The following NLGN2 variants were observed in gnomAD, a reference collection of about 807,000 sequenced individuals.
NLGN2 encodes neuroligin 2.
In NLGN2, 11 loss-of-function variants were observed where a neutral mutation model predicts 48.6. That is an observed-to-expected ratio of 0.23 (90% confidence interval 0.14 to 0.37). The LOEUF (loss-of-function observed/expected upper bound fraction) is 0.37. Among genes scored for constraint, NLGN2 ranks in the 10% least tolerant of loss-of-function variants. The pLI is 1.00. For missense variants in NLGN2, 801 were observed against 1,225.2 expected (o/e 0.65, Z 5.17); for synonymous variants, 548 against 550.0 (o/e 1.00, Z 0.05).
Position 7,414,452 on chromosome 17 carries a change from A to G in NLGN2, c.617A>G (p.Asn206Ser). The G allele has an allele frequency of 1.9e-6, 3 of 1,614,138 alleles. No individual in the cohort carries two copies. The highest frequency in any genetic ancestry group is 2.5e-6 in the Non-Finnish European group (3 of 1,180,014). Residue 206 changes from asparagine (N) to serine (S), a missense_variant, in exon 3 of 7, where the codon AAC (asparagine) becomes AGC (serine). By Grantham distance (46) the Asn-to-Ser change is conservative. Transcript: ENST00000302926. ...FDGSVLAAYGNVIVATLNYRL... is the reference protein window; with the variant it reads ...FDGSVLAAYGSVIVATLNYRL... ...GGCTCAGTCCTGGCTGCCTATGGCA[A>G]CGTCATTGTAGCCACGCTCAACTAC...
At chr17:7,410,701 C>T (rs1340167140) in intron 1 of NLGN2, among the ~76,000 whole-genome samples, 6 of 152,250 alleles carry the variant, frequency 3.9e-5, no homozygotes, top group African/African-American at 1.4e-4. Flanking sequence ...CACCCTTGCC[C>T]ACACCTTCTG....
At chr17:7,410,868 G>T (rs1906856411) in intron 1 of NLGN2, among the ~76,000 whole-genome samples, 2 of 152,224 alleles carry the variant, frequency 1.3e-5, no homozygotes, top group Non-Finnish European at 2.9e-5. Flanking sequence ...CACGTGCCTT[G>T]CTCACTTTGT....
upstream of NLGN2, among the ~76,000 whole-genome samples, chr17:7,405,854 C>T (rs1313083258): frequency 1.3e-5 from 2 of 152,164 alleles, no homozygotes; most frequent in African/African-American, 4.8e-5. This position sits in a 1 kb window ranked among gnomAD's most constrained non-coding sequence, Gnocchi z 6.8. Context: ...CCCCCTCCTT[C>T]TCCCCTTCCC....
rs375706169 is a variant in NLGN2, at chr17:7,413,183, C to A, written c.508+976C>A. On this transcript the variant is annotated intron_variant, in intron 2 of 6. Coordinates refer to ENST00000302926, the MANE Select transcript of NLGN2 (RefSeq NM_020795.4). This position sits in a 1 kb window ranked among gnomAD's most constrained non-coding sequence, Gnocchi z 4.9. Reference sequence around the variant, plus strand: ...GGTGCTGCCCACATAGAAGCTCTGGCGGAAGCAGTCAGGAGCATGGGGGCT... The same window carrying A: ...GGTGCTGCCCACATAGAAGCTCTGGAGGAAGCAGTCAGGAGCATGGGGGCT... 2.6e-5 allele frequency among the ~76,000 whole-genome samples: 4 copies of A among 152,200 alleles called. No individual in the cohort carries two copies. Among genetic ancestry groups the A allele is most frequent in the Admixed American group, 2.6e-4 (4 of 15,288 alleles).
At chr17:7,406,272 G>A (rs952953232), upstream of NLGN2, among the ~76,000 whole-genome samples, 4 of 152,024 alleles carry the variant, frequency 2.6e-5, no homozygotes, top group African/African-American at 9.7e-5. Flanking sequence ...GAGATGGGGG[G>A]GCCTCCAGTG....
chr17:7,413,933 C>T lies in NLGN2; in HGVS notation c.509-411C>T, dbSNP rs1189139343. On this transcript the variant is annotated intron_variant, in intron 2 of 6. Coordinates refer to ENST00000302926, the MANE Select transcript of NLGN2 (RefSeq NM_020795.4). The surrounding 1 kb of genome is among the most constrained non-coding windows in gnomAD (Gnocchi z 4.9). ...GGCCCAAGGCCTGAGTCGGAGGAGA[C>T]ACCAGGACCCTCCCAGCAGCTCCAG... is the stretch of plus-strand genomic sequence containing the variant. Among the ~76,000 whole-genome samples, 1 of 152,130 alleles carries T rather than the reference C, an allele frequency of 6.6e-6. No individual in the cohort carries two copies. The highest frequency in any genetic ancestry group is 1.9e-4 in the East Asian group (1 of 5,182).
upstream of NLGN2, among the ~76,000 whole-genome samples, chr17:7,406,403 T>G (rs1906640202): frequency 6.6e-6 from 1 of 151,458 alleles, no homozygotes; most frequent in Admixed American, 6.6e-5. Flanking sequence ...AAGGCCATGG[T>G]AGCTGAGCCC....
upstream of NLGN2, among the ~76,000 whole-genome samples, chr17:7,406,645 T>TG (rs1331732543): frequency 0.26 from 2,036 of 7,936 alleles, 41 homozygotes; most frequent in Admixed American, 0.3. Flanking sequence ...TGGCGGCTGG[T>TG]GGGGGGGCGG....
Position 7,417,774 on chromosome 17 carries a change from A to AC in NLGN2, c.2488dup (p.His830ProfsTer168). 8.2e-7 allele frequency: 1 copy of AC among 1,223,940 alleles called. No individual in the cohort carries two copies. The allele number at this position is 1,223,940 out of a possible 1,614,324, so 75.8% of individuals were successfully genotyped here. Reference sequence around the variant, plus strand: ...ACCAGCCACAACAACACGCTACCCCACCCCCACTCCACCACTCGGGTATAG... The same window carrying AC: ...ACCAGCCACAACAACACGCTACCCCACCCCCCACTCCACCACTCGGGTATAG... On this transcript the variant is annotated frameshift_variant, in exon 7 of 7. Transcript: ENST00000302926. LOFTEE classifies it high-confidence loss of function.
At chr17:7,412,035 G>C in intron 1 of NLGN2, 122 bp from the exon 2 acceptor site, 1 of 490,886 alleles carries the variant, frequency 2.0e-6, no homozygotes, top group Non-Finnish European at 3.6e-6. Context: ...TCTTTTTTCT[G>C]CCTCCCCCAC....
rs1906910247 is a variant in NLGN2, at chr17:7,411,881, A to G, written c.458-276A>G. On this transcript the variant is annotated intron_variant, in intron 1 of 6. Coordinates refer to ENST00000302926, the MANE Select transcript of NLGN2 (RefSeq NM_020795.4). This position sits in a 1 kb window ranked among gnomAD's most constrained non-coding sequence, Gnocchi z 4.5. Reference sequence around the variant, plus strand: ...TATGTCTTAAGACAGGCCTCAGCCCACTCAGGCACCCCACCCCCCCAAAAC... The same window carrying G: ...TATGTCTTAAGACAGGCCTCAGCCCGCTCAGGCACCCCACCCCCCCAAAAC... Among the ~76,000 whole-genome samples, 1 of 150,286 alleles carries G rather than the reference A, an allele frequency of 6.7e-6. No individual in the cohort carries two copies. The highest frequency in any genetic ancestry group is 1.5e-5 in the Non-Finnish European group (1 of 67,664).
At chr17:7,414,898 C>A (rs1907036429) in intron 4 of NLGN2, 50 bp downstream of exon 4, 1 of 1,613,436 alleles carries the variant, frequency 6.2e-7, no homozygotes, top group Non-Finnish European at 8.5e-7. Flanking sequence ...CTGCCAACTC[C>A]CCCCTCTCCT....
chr17:7,411,377 G>A lies in NLGN2; in HGVS notation c.458-780G>A, dbSNP rs912012912. On this transcript the variant is annotated intron_variant, in intron 1 of 6. Coordinates refer to ENST00000302926, the MANE Select transcript of NLGN2 (RefSeq NM_020795.4). The surrounding 1 kb of genome is among the most constrained non-coding windows in gnomAD (Gnocchi z 4.5). Reference sequence around the variant, plus strand: ...TGCGGAGGGTTGAGCTGGAGCGGAGGGCAAGACCTGATGACCCCCTTCCCT... The same window carrying A: ...TGCGGAGGGTTGAGCTGGAGCGGAGAGCAAGACCTGATGACCCCCTTCCCT... Among the ~76,000 whole-genome samples the A allele has an allele frequency of 3.9e-5, 6 of 152,168 alleles. No homozygotes were observed. The highest frequency in any genetic ancestry group is 1.4e-4 in the African/African-American group (6 of 41,428).
intron 6 of NLGN2, 75 bp from the exon 7 acceptor site, chr17:7,416,850 TC>T (rs1907119999): frequency 1.3e-6 from 2 of 1,554,764 alleles, no homozygotes; most frequent in South Asian, 2.3e-5. Context: ...TCTGTCTGTC[TC>T]CCTGCCCACT....
In NLGN2 at chr17:7,417,439, C is replaced by T. The variant is rs145673268; in HGVS notation, c.2148C>T (p.Gly716=). ...ELRCRRLSPP[G]GSGSGVPGGG... Reference sequence around the variant, plus strand: ...GGTGCAGGCGGCTTAGCCCACCTGGCGGCTCAGGCTCTGGCGTGCCTGGTG... The same window carrying T: ...GGTGCAGGCGGCTTAGCCCACCTGGTGGCTCAGGCTCTGGCGTGCCTGGTG... The change falls in exon 7 of 7, where the codon GGC becomes GGT. Residue 716 remains glycine (G), a synonymous_variant. Transcript: ENST00000302926. 3.5e-4 allele frequency: 553 copies of T among 1,593,568 alleles called. 4 individuals carry two copies. The East Asian group carries it at 0.011, about 32-fold the overall frequency.
chr17:7,407,993 C>T lies in NLGN2; in HGVS notation c.-263C>T, dbSNP rs1429882376. ...GTCTGTATCCTGCCTCCCTGCCCCT[C>T]TCGCTCCACCCCCCGCAGGTCGGGC... On this transcript the variant is annotated 5_prime_UTR_variant, in exon 1 of 7. Coordinates refer to ENST00000302926, the MANE Select transcript of NLGN2 (RefSeq NM_020795.4). 1.2e-5 allele frequency: 4 copies of T among 335,022 alleles called. No homozygotes were observed. The highest frequency in any genetic ancestry group is 8.6e-5 in the African/African-American group (4 of 46,304). The allele number at this position is 335,022 out of a possible 1,614,324, so 20.8% of individuals were successfully genotyped here.
chr17:7,417,726 T>TC lies in NLGN2; in HGVS notation c.2441dup (p.Pro815AlafsTer183). On this transcript the variant is annotated frameshift_variant, in exon 7 of 7. Transcript: ENST00000302926. LOFTEE classifies it high-confidence loss of function. ...CCCTCCCTTCATCCCTTCGGGCCCTTCCCCCCGCCCCCTCCCACCGCCACC... is the reference window on the plus strand; with the variant it reads ...CCCTCCCTTCATCCCTTCGGGCCCTTCCCCCCCGCCCCCTCCCACCGCCACC... 1 of 810,376 alleles carries TC rather than the reference T, an allele frequency of 1.2e-6. No homozygotes were observed. The highest frequency in any genetic ancestry group is 1.5e-6 in the Non-Finnish European group (1 of 647,392). 50.2% of individuals were successfully genotyped at this position (810,376 alleles called of 1,614,324 possible).
Position 7,408,417 on chromosome 17 carries a change from G to T in NLGN2, c.162G>T (p.Val54=). Residue 54 remains valine, a synonymous_variant, in exon 1 of 7, where the codon GTG becomes GTT. Coordinates refer to ENST00000302926, the MANE Select transcript of NLGN2 (RefSeq NM_020795.4). The surrounding 1 kb of genome is among the most constrained non-coding windows in gnomAD (Gnocchi z 7.5). ...CGGCCTACGGGCGAGTGCGCGGTGT[G>T]CGGCGCGAGCTCAACAACGAGATCC... ...VNTAYGRVRG[V]RRELNNEILG... The T allele has an allele frequency of 6.4e-7, 1 of 1,567,020 alleles. No homozygotes were observed.
At position 7,408,212 on chromosome 17, in the gene NLGN2, A is replaced by AG. The variant is rs749995574; in HGVS notation, c.-34dup. ...TCTCCCCCCCTTCTCTCTCTCTCCG[A>AG]GGGGGGGGGGTCCCAGGGAGGGAGG... On this transcript the variant is annotated 5_prime_UTR_variant, in exon 1 of 7. Coordinates refer to ENST00000302926, the MANE Select transcript of NLGN2 (RefSeq NM_020795.4). The surrounding 1 kb of genome is among the most constrained non-coding windows in gnomAD (Gnocchi z 7.5). 0.024 allele frequency: 20,321 copies of AG among 862,706 alleles called. 439 individuals carry two copies. Among genetic ancestry groups the AG allele is most frequent in the African/African-American group, 0.16 (7,897 of 50,082 alleles). The allele number at this position is 862,706 out of a possible 1,614,324, so 53.4% of individuals were successfully genotyped here. A position where few individuals can be genotyped will look rare whatever the true frequency, so the allele number is the denominator to read the frequency against.
Sources: gnomAD v4.1 joint callset for allele counts (sites outside exome capture counted in the v4.1 genomes callset) on GRCh38, gnomAD v4.1.1 for gene constraint, Gnocchi (gnomAD v3.1) non-coding constraint, MANE v1.5 for transcripts, NCBI Gene and HGNC (gene_info 2026-07-23, HGNC 2026-07-21) for gene names.